Variants in POU2F3 observed in about 807,000 individuals in gnomAD.
POU2F3 encodes the protein POU domain, class 2, transcription factor 3.
POU2F3 carries 23 observed loss-of-function variants against 59.2 expected under a neutral mutation model. That is an observed-to-expected ratio of 0.39 (90% CI 0.28 to 0.55). The LOEUF is 0.55. POU2F3 is among the 20% of genes least tolerant of loss of function. POU2F3 has a pLI of 0.66. For synonymous variants in POU2F3, 190 were observed against 214.6 expected (o/e 0.89, Z 1.00); for missense variants, 473 against 544.5 (o/e 0.87, Z 1.31).
At chr11:120,260,971 T>C (rs561617199) in intron 2 of POU2F3, among the ~76,000 whole-genome samples, 51 of 151,810 alleles carry the variant, frequency 3.4e-4, no homozygotes, top group African/African-American at 1.2e-3. Context: ...AAGGCTGAGG[T>C]GGGAGGATTG....
chr11:120,272,665 G>A (rs888324563), intron 3 of POU2F3, among the ~76,000 whole-genome samples: 2 of 152,182 alleles, frequency 1.3e-5, no homozygotes, highest in African/African-American at 2.4e-5. Flanking sequence ...ATGGCTCATC[G>A]GGAAGTTTCC....
intron 3 of POU2F3, among the ~76,000 whole-genome samples, chr11:120,282,074 G>A (rs1212208062): frequency 1.3e-5 from 2 of 152,110 alleles, no homozygotes; most frequent in Non-Finnish European, 2.9e-5. Context: ...CCCTTGGAAG[G>A]CTCTGAAGAC....
At position 120,318,675 on chromosome 11, in the gene POU2F3, T is replaced by A. The variant is rs1941848891; in HGVS notation, c.*283T>A. On this transcript the variant is annotated 3_prime_UTR_variant, in exon 13 of 13. Coordinates refer to ENST00000543440, the MANE Select transcript of POU2F3 (RefSeq NM_014352.4). ...GCCCTTGCCTTCTAGTTCCAAATATTTTAGCCAGCTTCACTGTGGCAATAG... is the reference window on the plus strand; with the variant it reads ...GCCCTTGCCTTCTAGTTCCAAATATATTAGCCAGCTTCACTGTGGCAATAG... 1 of 356,962 alleles carries A rather than the reference T, an allele frequency of 2.8e-6. No homozygotes were observed. Among genetic ancestry groups the A allele is most frequent in the African/African-American group, 2.1e-5 (1 of 47,600 alleles). The allele number at this position is 356,962 out of a possible 1,614,324, so 22.1% of individuals were successfully genotyped here.
intron 8 of POU2F3, among the ~76,000 whole-genome samples, chr11:120,307,145 T>C (rs1411764802): frequency 1.3e-5 from 2 of 152,190 alleles, no homozygotes; most frequent in African/African-American, 2.4e-5. Context: ...AGTGCCCCCT[T>C]ACACCCACAT....
chr11:120,244,959 G>A (rs1324220181), intron 1 of POU2F3, among the ~76,000 whole-genome samples: 3 of 152,150 alleles, frequency 2.0e-5, no homozygotes, highest in African/African-American at 4.8e-5. Flanking sequence ...GGAGGGGAGG[G>A]GGTGGGGTAA....
chr11:120,307,937 G>C (rs947900717), intron 9 of POU2F3, among the ~76,000 whole-genome samples: 2 of 152,186 alleles, frequency 1.3e-5, no homozygotes, highest in African/African-American at 4.8e-5. Context: ...TCCAGTTGAG[G>C]TAAAGGGAGC....
chr11:120,259,055 T>G (rs557640854), intron 2 of POU2F3: 2 of 152,270 alleles, frequency 1.3e-5, no homozygotes, highest in African/African-American at 4.8e-5. Flanking sequence ...GTAGCAAAGG[T>G]GGGTGCAGCA....
At chr11:120,307,273 TGGAGGGCCAC>T (rs1445930211) in intron 8 of POU2F3, among the ~76,000 whole-genome samples, 196 bp from the exon 9 acceptor site, 2 of 152,110 alleles carry the variant, frequency 1.3e-5, no homozygotes, top group Non-Finnish European at 2.9e-5. Context: ...TGGAGGACAA[TGGAGGGCCAC>T]GGAGGGCCTT....
intron 3 of POU2F3, among the ~76,000 whole-genome samples, chr11:120,286,627 G>T (rs531462700): frequency 6.6e-6 from 1 of 152,128 alleles, no homozygotes; most frequent in Admixed American, 6.6e-5. Context: ...ATCCTATGGG[G>T]TTTTTTAAAG....
intron 3 of POU2F3, among the ~76,000 whole-genome samples, chr11:120,290,778 A>G (rs542288584): frequency 1.3e-5 from 2 of 152,354 alleles, no homozygotes; most frequent in South Asian, 4.1e-4. Flanking sequence ...TAATCTGTGT[A>G]GTGCTTCACG....
chr11:120,272,671 T>C (rs767899113), intron 3 of POU2F3, among the ~76,000 whole-genome samples: 22 of 152,050 alleles, frequency 1.4e-4, no homozygotes, highest in Non-Finnish European at 2.1e-4. Flanking sequence ...CATCGGGAAG[T>C]TTCCACACTG....
chr11:120,256,887 C>T (rs1939365239), intron 2 of POU2F3: 2 of 152,180 alleles, frequency 1.3e-5, no homozygotes, highest in South Asian at 4.1e-4. Context: ...GTAGTATGGA[C>T]AGCCTTTGCT....
At chr11:120,260,247 C>T (rs1036263006) in intron 2 of POU2F3, among the ~76,000 whole-genome samples, 7 of 152,272 alleles carry the variant, frequency 4.6e-5, no homozygotes, top group Admixed American at 2.6e-4. Context: ...CCCAGGGCTG[C>T]CAAAGCTATG....
intron 10 of POU2F3, among the ~76,000 whole-genome samples, chr11:120,314,464 C>G (rs948129959): frequency 6.6e-6 from 1 of 152,214 alleles, no homozygotes; most frequent in African/African-American, 2.4e-5. Context: ...TAGCATTTAA[C>G]AAGCTGACAC....
In POU2F3 at chr11:120,315,371, C is replaced by T. The variant is rs1183759440; in HGVS notation, c.1079C>T (p.Ser360Leu). Reference sequence around the variant, plus strand: ...TCTGTTGTTTTTCAGGTATCTCCCTCAGGGTCTCTGGGCCCCCTCTCTGTC... The same window carrying T: ...TCTGTTGTTTTTCAGGTATCTCCCTTAGGGTCTCTGGGCCCCCTCTCTGTC... Reference protein sequence around the residue: ...PVYNSRLVSPSGSLGPLSVPP... With the variant: ...PVYNSRLVSPLGSLGPLSVPP... Residue 360 changes from serine (S) to leucine (L), a missense_variant, in exon 11 of 13, where the codon TCA (serine) becomes TTA (leucine). By Grantham distance (145) the Ser-to-Leu change is moderately radical (BLOSUM62 -2). Transcript: ENST00000543440. 3 of 1,613,384 alleles carry T rather than the reference C, an allele frequency of 1.9e-6. No individual in the cohort carries two copies. Among genetic ancestry groups the T allele is most frequent in the Middle Eastern group, 1.7e-4 (1 of 6,052 alleles).
At chr11:120,294,017 C>G (rs1416721112) in intron 3 of POU2F3, among the ~76,000 whole-genome samples, 1 of 152,186 alleles carries the variant, frequency 6.6e-6, no homozygotes, top group Non-Finnish European at 1.5e-5. Flanking sequence ...AGGGTGAACA[C>G]TTGTCCTCAC....
intron 1 of POU2F3, among the ~76,000 whole-genome samples, chr11:120,244,837 C>T (rs1361719566): frequency 6.6e-6 from 1 of 152,054 alleles, no homozygotes; most frequent in Non-Finnish European, 1.5e-5. Context: ...TCTGGGCGGT[C>T]CATAGTAGTT....
At position 120,298,345 on chromosome 11, in the gene POU2F3, G is replaced by A; in HGVS notation, c.213G>A (p.Met71Ile). ...RPCHLSQGPA[M>I]MSGNQMSGLN... ...GCCACCTGAGTCAAGGACCTGCCAT[G>A]ATGTCCGGAAACCAAATGTCTGGGC... The change falls in exon 4 of 13, where the codon ATG becomes ATA. Residue 71 changes from methionine to isoleucine, a missense_variant. Transcript: ENST00000543440. 1.2e-6 allele frequency: 2 copies of A among 1,613,866 alleles called. No individual in the cohort carries two copies. Among genetic ancestry groups the A allele is most frequent in the Non-Finnish European group, 1.7e-6 (2 of 1,179,898 alleles).
At chr11:120,241,904 G>C (rs917054173) in intron 1 of POU2F3, among the ~76,000 whole-genome samples, 2 of 152,232 alleles carry the variant, frequency 1.3e-5, no homozygotes, top group East Asian at 3.9e-4. Context: ...TTGAGGCATA[G>C]GGCTTGGCCT....
Sources: gnomAD v4.1 joint callset for allele counts (sites outside exome capture counted in the v4.1 genomes callset) on GRCh38, gnomAD v4.1.1 for gene constraint, MANE v1.5 for transcripts, NCBI Gene and HGNC (gene_info 2026-07-23, HGNC 2026-07-21) for gene names.